PACRG: variants seen among roughly 807,000 people sequenced by gnomAD.
PACRG encodes the protein parkin coregulated.
In PACRG, 29 loss-of-function variants were observed where a neutral mutation model predicts 29.7. The ratio of observed to expected loss-of-function variants is 0.98; its 90% CI spans 0.73 to 1.33. The LOEUF is 1.33. PACRG is among the 40% of genes most tolerant of loss of function. The probability of loss-of-function intolerance (pLI) is 0.00; values close to 1 mark genes in which losing one functional copy is unlikely to be tolerated. For missense variants in PACRG, 279 were observed against 316.2 expected, an observed-to-expected ratio of 0.88 and a Z score of 0.89; for synonymous variants, 116 against 118.7, an observed-to-expected ratio of 0.98 and a Z score of 0.15.
intron 4 of PACRG, among the ~76,000 whole-genome samples, chr6:163,242,940 A>G (rs1782554908): frequency 6.6e-6 from 1 of 152,250 alleles, no homozygotes; most frequent in Non-Finnish European, 1.5e-5. Context: ...TGAAATGAAT[A>G]TTGTTTTGCT....
At chr6:162,749,009 A>C (rs1276132055) in intron 1 of PACRG, among the ~76,000 whole-genome samples, 1 of 152,172 alleles carries the variant, frequency 6.6e-6, no homozygotes, top group Non-Finnish European at 1.5e-5. Flanking sequence ...CATTTTGTAG[A>C]GTTTACATAA....
chr6:163,282,724 A>G (rs530443945), intron 4 of PACRG, among the ~76,000 whole-genome samples: 159 of 152,230 alleles, frequency 1.0e-3, no homozygotes, highest in African/African-American at 3.6e-3. Flanking sequence ...AAAAAAAAAA[A>G]AAAAGAAAAG....
At position 162,746,340 on chromosome 6, in the gene PACRG, T is replaced by G. The variant is rs538040839; in HGVS notation, c.156+17949T>G. On this transcript the variant is annotated intron_variant, in intron 1 of 4. Coordinates refer to ENST00000366888, the MANE Select transcript of PACRG (RefSeq NM_001080379.2). ...TGACACAGTGTTAAATATTTTCACT[T>G]GAGCACAAAAATTTTTTGAATATAA... Among the ~76,000 whole-genome samples the G allele has an allele frequency of 1.6e-3, 245 of 152,304 alleles. 1 individual carries two copies. Among genetic ancestry groups the G allele is most frequent in the Non-Finnish European group, 3.1e-3 (208 of 68,006 alleles).
chr6:162,952,644 A>C (rs1250259164), intron 2 of PACRG, among the ~76,000 whole-genome samples: 1 of 152,152 alleles, frequency 6.6e-6, no homozygotes, highest in Non-Finnish European at 1.5e-5. Flanking sequence ...CCCAGAATTG[A>C]ACTAACAACC....
chr6:162,979,721 AT>A (rs1296480200), intron 2 of PACRG, among the ~76,000 whole-genome samples: 1 of 152,048 alleles, frequency 6.6e-6, no homozygotes, highest in Non-Finnish European at 1.5e-5. Context: ...AATTTATCTG[AT>A]TTTTTTAGCT....
intron 4 of PACRG, among the ~76,000 whole-genome samples, chr6:163,185,675 A>G (rs988547209): frequency 2.0e-5 from 3 of 152,122 alleles, no homozygotes; most frequent in Non-Finnish European, 4.4e-5. Flanking sequence ...CCCACACAAA[A>G]TGCAAGCGAC....
At chr6:162,965,662 C>T (rs6909531) in intron 2 of PACRG, among the ~76,000 whole-genome samples, 18,915 of 152,140 alleles carry the variant, frequency 0.12, 1,796 homozygotes, top group East Asian at 0.26. Flanking sequence ...ATTCAGACCA[C>T]TGGGCCTTGG....
intron 2 of PACRG, among the ~76,000 whole-genome samples, chr6:162,860,223 A>G (rs35400281): frequency 0.01 from 1,598 of 152,308 alleles, 19 homozygotes; most frequent in Non-Finnish European, 0.015. Flanking sequence ...TTCTTGTAAC[A>G]GGGGAAGAAG....
At chr6:163,145,257 C>A (rs1046037969) in intron 4 of PACRG, among the ~76,000 whole-genome samples, 1 of 152,148 alleles carries the variant, frequency 6.6e-6, no homozygotes, top group African/African-American at 2.4e-5. Context: ...TTGTATATTT[C>A]TTTTCACAGT....
At chr6:162,819,746 A>C (rs1336855741) in intron 2 of PACRG, among the ~76,000 whole-genome samples, 1 of 152,224 alleles carries the variant, frequency 6.6e-6, no homozygotes, top group Non-Finnish European at 1.5e-5. Flanking sequence ...CGTAGGCCTC[A>C]CTTTCCTTAT....
intron 4 of PACRG, among the ~76,000 whole-genome samples, chr6:163,275,990 T>TCCTG (rs1784009116): frequency 2.2e-5 from 3 of 138,068 alleles, no homozygotes; most frequent in African/African-American, 3.2e-5. Context: ...TTATTCTCTT[T>TCCTG]CCTTCCTTCC....
chr6:163,165,017 C>G (rs187788707), intron 4 of PACRG, among the ~76,000 whole-genome samples: 126 of 152,176 alleles, frequency 8.3e-4, no homozygotes, highest in African/African-American at 3.0e-3. Context: ...TTGAGCCTCT[C>G]CTAGGTGCCT....
intron 3 of PACRG, among the ~76,000 whole-genome samples, chr6:163,086,182 C>CT (rs1185092198): frequency 6.6e-6 from 1 of 152,196 alleles, no homozygotes; most frequent in Non-Finnish European, 1.5e-5. Flanking sequence ...GTAACCTGAG[C>CT]TTGTCAGTAC....
intron 2 of PACRG, among the ~76,000 whole-genome samples, chr6:162,967,600 G>A (rs1584896859): frequency 1.3e-5 from 2 of 151,200 alleles, no homozygotes; most frequent in South Asian, 2.1e-4. Flanking sequence ...TCCGCCTCCC[G>A]GTTTCACGCC....
rs140300602 is a variant in PACRG, at chr6:162,820,996, C to G, written c.291+6715C>G. 2.7e-3 allele frequency among the ~76,000 whole-genome samples: 415 copies of G among 152,160 alleles called. 3 individuals are homozygous for G. The highest frequency in any genetic ancestry group is 9.6e-3 in the African/African-American group (397 of 41,520). ...AAAAAATCCTCTGGCAATGAGTGTA[C>G]TATTCTTAATGCCATTCTTTTATTT... On this transcript the variant is annotated intron_variant, in intron 2 of 4. Transcript: ENST00000366888.
chr6:163,148,532 A>G (rs1308225214), intron 4 of PACRG, among the ~76,000 whole-genome samples: 2 of 152,134 alleles, frequency 1.3e-5, no homozygotes, highest in Admixed American at 1.3e-4. Context: ...ACACTGCTTT[A>G]TGAAAGAACA....
chr6:163,178,360 C>T (rs1026830793), intron 4 of PACRG, among the ~76,000 whole-genome samples: 1 of 152,174 alleles, frequency 6.6e-6, no homozygotes, highest in Non-Finnish European at 1.5e-5. Context: ...GGAAGTGCTG[C>T]GTAGACTCCA....
chr6:162,873,616 T>C (rs1297793543), intron 2 of PACRG, among the ~76,000 whole-genome samples: 1 of 152,104 alleles, frequency 6.6e-6, no homozygotes, highest in Non-Finnish European at 1.5e-5. Flanking sequence ...AAACCAGCAA[T>C]GAAGCAAACC....
At chr6:162,825,873 C>T (rs951889272) in intron 2 of PACRG, among the ~76,000 whole-genome samples, 4 of 152,084 alleles carry the variant, frequency 2.6e-5, no homozygotes, top group Non-Finnish European at 4.4e-5. Flanking sequence ...TTTGAGTTTC[C>T]CTTTCATTTC....
Sources: allele counts gnomAD v4.1 joint callset (sites outside exome capture counted in the v4.1 genomes callset), GRCh38; gene constraint gnomAD v4.1.1; transcripts MANE v1.5; gene names NCBI Gene and HGNC (gene_info 2026-07-23, HGNC 2026-07-21).